The following FAM117B variants were observed in gnomAD, a reference collection of about 807,000 sequenced individuals.
FAM117B encodes the protein family with sequence similarity 117 member B.
A neutral mutation model predicts 52.8 loss-of-function variants in FAM117B; 22 were observed. The ratio of observed to expected loss-of-function variants is 0.42; its 90% confidence interval spans 0.30 to 0.59. The LOEUF is 0.59. FAM117B is among the 20% of genes least tolerant of loss of function. FAM117B has a pLI of 0.22. For missense variants in FAM117B, 678 were observed against 802.6 expected (o/e 0.84, Z 1.88); for synonymous variants, 309 against 324.1 (o/e 0.95, Z 0.50).
At chr2:202,643,957 G>A (rs568838352) in intron 1 of FAM117B, among the ~76,000 whole-genome samples, 3 of 150,918 alleles carry the variant, frequency 2.0e-5, no homozygotes, top group Non-Finnish European at 4.4e-5. Flanking sequence ...TGATCCACCC[G>A]CCTTGGCCTC....
chr2:202,758,958 C>T (rs1290097322), intron 6 of FAM117B, among the ~76,000 whole-genome samples: 1 of 152,130 alleles, frequency 6.6e-6, no homozygotes, highest in Non-Finnish European at 1.5e-5. Context: ...TGTTTGAGTG[C>T]ATTTGTTTTG....
chr2:202,734,147 G>A (rs956821943), intron 4 of FAM117B, among the ~76,000 whole-genome samples: 1 of 152,166 alleles, frequency 6.6e-6, no homozygotes, highest in Non-Finnish European at 1.5e-5. Context: ...AATGATGAAC[G>A]ACTGCTAATG....
intron 1 of FAM117B, among the ~76,000 whole-genome samples, chr2:202,694,908 AT>A (rs1366327747): frequency 1.3e-5 from 2 of 152,134 alleles, no homozygotes; most frequent in South Asian, 4.1e-4. Flanking sequence ...ATTGTCACTA[AT>A]TTTTTAGTGA....
intron 1 of FAM117B, among the ~76,000 whole-genome samples, chr2:202,647,908 A>C (rs2105754946): frequency 6.6e-6 from 1 of 152,242 alleles, no homozygotes; most frequent in Middle Eastern, 3.4e-3. Context: ...ACCCAAAAGA[A>C]ATTTACTGAC....
At chr2:202,684,821 A>G (rs376702004) in intron 1 of FAM117B, among the ~76,000 whole-genome samples, 1 of 152,334 alleles carries the variant, frequency 6.6e-6, no homozygotes, top group African/African-American at 2.4e-5. Flanking sequence ...AGAGGCTTAT[A>G]GGAATATAAC....
chr2:202,715,327 G>C (rs1467924515), intron 2 of FAM117B, among the ~76,000 whole-genome samples: 2 of 151,940 alleles, frequency 1.3e-5, no homozygotes, highest in Non-Finnish European at 2.9e-5. Flanking sequence ...CTCCCGGACG[G>C]GGTGGCTGCC....
chr2:202,731,332 AATATATATATATATATATATAT>A lies in FAM117B; in HGVS notation c.960+4984_960+5005del, dbSNP rs35255766. On this transcript the variant is annotated intron_variant, in intron 4 of 7. Transcript: ENST00000392238. ...TCAGGGGAGGATGTGGAGAAATTGG[AATATATATATATATATATATAT>A]ATATATATATATATGGAGAGAGAGA... 2.9e-4 allele frequency among the ~76,000 whole-genome samples: 9 copies of A among 30,770 alleles called. No individual in the cohort carries two copies. The South Asian group carries it at 7.2e-3, about 25-fold the overall frequency. 20.2% of individuals were successfully genotyped at this position (30,770 alleles called of 152,430 possible). A position where few individuals can be genotyped will look rare whatever the true frequency, so the allele number is the denominator to read the frequency against.
chr2:202,746,530 G>T (rs1691636467), intron 4 of FAM117B, among the ~76,000 whole-genome samples: 1 of 151,762 alleles, frequency 6.6e-6, no homozygotes, highest in Non-Finnish European at 1.5e-5. Context: ...ACAATCTGAA[G>T]AGTGTACCTC....
intron 1 of FAM117B, among the ~76,000 whole-genome samples, chr2:202,694,070 C>G (rs1242851497): frequency 6.6e-6 from 1 of 151,318 alleles, no homozygotes; most frequent in Non-Finnish European, 1.5e-5. Context: ...GAAAATTATA[C>G]ATAGATTTAT....
chr2:202,665,174 A>G (rs1574547044), intron 1 of FAM117B, among the ~76,000 whole-genome samples: 2 of 148,686 alleles, frequency 1.3e-5, no homozygotes, highest in East Asian at 3.9e-4. Flanking sequence ...GACCCTCTCA[A>G]TTTTCTTTTT....
intron 4 of FAM117B, among the ~76,000 whole-genome samples, chr2:202,742,400 A>G (rs1304041250): frequency 6.6e-6 from 1 of 152,228 alleles, no homozygotes; most frequent in East Asian, 1.9e-4. Context: ...TCAAGTACAT[A>G]CAGAAATTTA....
chr2:202,680,478 T>A (rs1559100824), intron 1 of FAM117B, among the ~76,000 whole-genome samples: 2 of 152,014 alleles, frequency 1.3e-5, no homozygotes, highest in African/African-American at 4.8e-5. Flanking sequence ...AAAACTACAA[T>A]CATGCAGCTC....
intron 1 of FAM117B, among the ~76,000 whole-genome samples, chr2:202,684,915 C>T (rs779661151): frequency 5.9e-5 from 9 of 151,944 alleles, no homozygotes; most frequent in Admixed American, 2.0e-4. Context: ...CCATAAATAA[C>T]GAGAATGGGC....
chr2:202,640,293 AAAATATATATATATATATAT>A (rs1308404775), intron 1 of FAM117B, among the ~76,000 whole-genome samples: 77 of 61,684 alleles, frequency 1.2e-3, no homozygotes, highest in Middle Eastern at 0.015. Context: ...CCACCACCAC[AAAATATATATATATATATAT>A]ATATATATAT....
At chr2:202,746,949 A>G (rs368919653) in intron 4 of FAM117B, among the ~76,000 whole-genome samples, 8 of 39,744 alleles carry the variant, frequency 2.0e-4, no homozygotes, top group African/African-American at 5.5e-4. Context: ...CCACCACCGG[A>G]AAAAAAAACA....
intron 4 of FAM117B, among the ~76,000 whole-genome samples, chr2:202,734,946 A>G (rs984298888): frequency 3.9e-5 from 6 of 152,238 alleles, no homozygotes; most frequent in Non-Finnish European, 8.8e-5. Context: ...TGAAATAGGA[A>G]AATTTCCAAA....
intron 1 of FAM117B, among the ~76,000 whole-genome samples, chr2:202,659,675 TGC>T (rs1476633276): frequency 3.6e-5 from 5 of 139,462 alleles, no homozygotes; most frequent in African/African-American, 1.1e-4. Context: ...AGTGCAATGG[TGC>T]GATCTTGGCT....
intron 4 of FAM117B, among the ~76,000 whole-genome samples, chr2:202,746,940 C>A (rs146074151): frequency 7.1e-6 from 1 of 140,506 alleles, no homozygotes; most frequent in African/African-American, 2.6e-5. Context: ...GCACAACAGC[C>A]ACCACCGGAA....
At chr2:202,731,368 T>TATATATA (rs780138718) in intron 4 of FAM117B, among the ~76,000 whole-genome samples, 46 of 95,808 alleles carry the variant, frequency 4.8e-4, no homozygotes, top group Non-Finnish European at 7.0e-4. Context: ...TATATATATA[T>TATATATA]GGAGAGAGAG....
Sources: allele counts gnomAD v4.1 joint callset (sites outside exome capture counted in the v4.1 genomes callset), GRCh38; gene constraint gnomAD v4.1.1; transcripts MANE v1.5; gene names NCBI Gene and HGNC (gene_info 2026-07-23, HGNC 2026-07-21).